The following MCF2L variants were observed in gnomAD, a reference collection of about 807,000 sequenced individuals.
The protein encoded by MCF2L is MCF.2 cell line derived transforming sequence like.
MCF2L carries 97 observed loss-of-function variants against 153.4 expected under a neutral mutation model. The observed-to-expected ratio is 0.63, with a 90% CI of 0.54 to 0.75. The LOEUF is 0.75. MCF2L is among the 30% of genes least tolerant of loss of function. The pLI is 0.00. For missense variants in MCF2L, 1,347 were observed against 1,495.2 expected (o/e 0.90, Z 1.64); for synonymous variants, 659 against 632.2 (o/e 1.04, Z -0.64).
At position 113,054,599 on chromosome 13, in the gene MCF2L, G is replaced by T. The variant is rs567510408; in HGVS notation, c.370-5994G>T. 1.3e-5 allele frequency: 2 copies of T among 152,426 alleles called. No homozygotes were observed. Among genetic ancestry groups the T allele is most frequent in the Admixed American group, 1.3e-4 (2 of 15,302 alleles). The allele number at this position is 152,426 out of a possible 1,614,324, so 9.4% of individuals were successfully genotyped here. ...CTACTGTCAGACAAATGTAGTTGGT[G>T]AGGTTTCAGTTGCTCTGAAATTAAA... On this transcript the variant is annotated intron_variant, in intron 4 of 29. Coordinates refer to ENST00000535094, the MANE Select transcript of MCF2L (RefSeq NM_001112732.3). This position sits in a 1 kb window ranked among gnomAD's most constrained non-coding sequence, Gnocchi z 5.2.
chr13:113,009,582 A>C (rs34338166), intron 1 of MCF2L: 82,640 of 137,090 alleles, frequency 0.6, 22,541 homozygotes, highest in South Asian at 0.71. Context: ...TGTCCTGTTT[A>C]TCCCCTGACC....
chr13:112,938,524 G>A (rs2081545292), intron 2 of MCF2L, among the ~76,000 whole-genome samples: 2 of 152,194 alleles, frequency 1.3e-5, no homozygotes, highest in African/African-American at 4.8e-5. Flanking sequence ...TGAAATGAAG[G>A]AATTGCAGGA....
intron 1 of MCF2L, among the ~76,000 whole-genome samples, chr13:113,005,491 T>C (rs1001213158): frequency 2.0e-5 from 3 of 150,832 alleles, no homozygotes; most frequent in African/African-American, 7.3e-5. Context: ...GCGTGTTTGT[T>C]GTGGCCATGG....
rs978775947 is a variant in MCF2L at position 113,074,939 on chromosome 13, G to T, written c.1117-59G>T. On this transcript the variant is annotated intron_variant, in intron 10 of 29. Transcript: ENST00000535094. The surrounding 1 kb of genome is among the most constrained non-coding windows in gnomAD (Gnocchi z 4.2). ...CGGGACACACATCCCGTACAGCAAG[G>T]CACTGTGTGCCTCGAACAGAAAGAG... 3.8e-5 allele frequency: 55 copies of T among 1,462,898 alleles called. No individual in the cohort carries two copies. The highest frequency in any genetic ancestry group is 4.9e-5 in the Non-Finnish European group (53 of 1,072,338). The allele number at this position is 1,462,898 out of a possible 1,614,324, so 90.6% of individuals were successfully genotyped here. A position where few individuals can be genotyped will look rare whatever the true frequency, so the allele number is the denominator to read the frequency against.
chr13:113,056,743 G>A (rs1446301626), intron 4 of MCF2L, among the ~76,000 whole-genome samples: 4 of 135,320 alleles, frequency 3.0e-5, no homozygotes, highest in Admixed American at 1.4e-4. Flanking sequence ...TGAGTGTTTC[G>A]GCGCTGAGTG....
rs1472574795 is a variant in MCF2L at position 113,046,736 on chromosome 13, G to A, written c.369+1375G>A. On this transcript the variant is annotated intron_variant, in intron 4 of 29. Transcript: ENST00000535094. The surrounding 1 kb of genome is among the most constrained non-coding windows in gnomAD (Gnocchi z 4.4). ...CCCCCACGGCACCTCTCTGCCCCTC[G>A]CCGCGGCGGATCCCCGTTCCTGACC... 4 of 481,524 alleles carry A rather than the reference G, an allele frequency of 8.3e-6. No homozygotes were observed. The highest frequency in any genetic ancestry group is 3.1e-5 in the South Asian group (2 of 64,826). The allele number at this position is 481,524 out of a possible 1,614,324, so 29.8% of individuals were successfully genotyped here.
intron 3 of MCF2L, among the ~76,000 whole-genome samples, chr13:113,039,068 C>G (rs1202664884): frequency 6.6e-6 from 1 of 152,122 alleles, no homozygotes; most frequent in African/African-American, 2.4e-5. Context: ...ACCGTGTTAG[C>G]CTGGATGGTC....
rs200621305 is a variant in MCF2L at position 113,074,607 on chromosome 13, C to T, written c.1116+44C>T. On this transcript the variant is annotated intron_variant, in intron 10 of 29. Coordinates refer to ENST00000535094, the MANE Select transcript of MCF2L (RefSeq NM_001112732.3). The surrounding 1 kb of genome is among the most constrained non-coding windows in gnomAD (Gnocchi z 4.2). ...GGGGGCGGCGGGAGAGTGTGGGCAG[C>T]ATCATCAAGTGCTGCTCAGGAAGGC... 45 of 1,606,002 alleles carry T rather than the reference C, an allele frequency of 2.8e-5. No homozygotes were observed. The Admixed American group carries it at 5.5e-4, about 20-fold the overall frequency.
At chr13:112,968,319 C>T, upstream of MCF2L, 1 of 1,056,018 alleles carries the variant, frequency 9.5e-7, no homozygotes, top group Non-Finnish European at 1.3e-6. Context: ...AGGATAGCTG[C>T]GGTTTTGGGC....
intron 2 of MCF2L, among the ~76,000 whole-genome samples, chr13:112,944,800 G>A (rs911007772): frequency 1.6e-4 from 24 of 152,084 alleles, no homozygotes; most frequent in African/African-American, 5.8e-4. Context: ...CTGAACTTCT[G>A]AAAGAGCCAG....
At chr13:112,942,774 A>T (rs1032747504) in intron 2 of MCF2L, among the ~76,000 whole-genome samples, 4 of 152,164 alleles carry the variant, frequency 2.6e-5, no homozygotes, top group Non-Finnish European at 5.9e-5. Flanking sequence ...GCAGGCAGGG[A>T]CATCTCTTGA....
At chr13:113,050,632 G>T (rs2087182964) in intron 4 of MCF2L, among the ~76,000 whole-genome samples, 1 of 133,270 alleles carries the variant, frequency 7.5e-6, no homozygotes, top group Non-Finnish European at 1.6e-5. Context: ...TCACCGTGGG[G>T]GCGGTGGGGG....
At chr13:113,050,120 C>T (rs762548672) in intron 4 of MCF2L, among the ~76,000 whole-genome samples, 1 of 152,170 alleles carries the variant, frequency 6.6e-6, no homozygotes, top group Non-Finnish European at 1.5e-5. Context: ...GCTGTTGCAA[C>T]ATCTAACCCT....
intron 2 of MCF2L, chr13:112,909,555 G>A: frequency 2.1e-6 from 1 of 466,190 alleles, no homozygotes; most frequent in Non-Finnish European, 3.9e-6. Context: ...GTGCTCAGTG[G>A]CATTTGGAGG....
chr13:113,005,907 G>T (rs1211038486), intron 1 of MCF2L, among the ~76,000 whole-genome samples: 2 of 152,130 alleles, frequency 1.3e-5, no homozygotes, highest in African/African-American at 4.8e-5. Context: ...GTAAGCTCAG[G>T]AAGTGATGAG....
chr13:113,064,861 C>T lies in MCF2L; in HGVS notation c.607-75C>T, dbSNP rs74115774. ...GGGTCTGTGTGGGAACGGTTTCCGC[C>T]GGTGTCTGCTTTCAGGGCAGCAGGA... On this transcript the variant is annotated intron_variant, in intron 6 of 29. Coordinates refer to ENST00000535094, the MANE Select transcript of MCF2L (RefSeq NM_001112732.3). The surrounding 1 kb of genome is among the most constrained non-coding windows in gnomAD (Gnocchi z 6.0). The T allele has an allele frequency of 5.2e-4, 802 of 1,527,762 alleles. 2 individuals carry two copies. In the African/African-American group the frequency reaches 8.1e-3, roughly 15 times the overall value. 94.6% of individuals were successfully genotyped at this position (1,527,762 alleles called of 1,614,324 possible). A position where few individuals can be genotyped will look rare whatever the true frequency, so the allele number is the denominator to read the frequency against.
At position 113,045,175 on chromosome 13, in the gene MCF2L, G is replaced by A. The variant is rs1045302936; in HGVS notation, c.279-96G>A. 1.7e-5 allele frequency: 19 copies of A among 1,099,050 alleles called. No homozygotes were observed. Among genetic ancestry groups the A allele is most frequent in the Non-Finnish European group, 2.4e-5 (17 of 713,782 alleles). The allele number at this position is 1,099,050 out of a possible 1,614,324, so 68.1% of individuals were successfully genotyped here. A position where few individuals can be genotyped will look rare whatever the true frequency, so the allele number is the denominator to read the frequency against. On this transcript the variant is annotated intron_variant, in intron 3 of 29. Coordinates refer to ENST00000535094, the MANE Select transcript of MCF2L (RefSeq NM_001112732.3). This position sits in a 1 kb window ranked among gnomAD's most constrained non-coding sequence, Gnocchi z 4.2. ...ATTGCAGAAATGGCATCATGAATAT[G>A]GGGGATCGCTCTCCCAAGAGGTTTT...
At chr13:113,037,116 A>G (rs549656326) in intron 3 of MCF2L, among the ~76,000 whole-genome samples, 4 of 152,274 alleles carry the variant, frequency 2.6e-5, no homozygotes, top group Non-Finnish European at 4.4e-5. Context: ...TCCTAGAAGA[A>G]TTCCTCTCGA....
chr13:112,982,083 G>C lies in MCF2L; in HGVS notation c.79+12625G>C, dbSNP rs780843207. Among the ~76,000 whole-genome samples, 5 of 152,256 alleles carry C rather than the reference G, an allele frequency of 3.3e-5. No homozygotes were observed. In the South Asian group the frequency reaches 1.0e-3, roughly 32 times the overall value. Reference sequence around the variant, plus strand: ...CAGTGGAGGCCTTGTCTGAGGGGTCGGGCAGTGGGGGCCCCAGCAGAGAGC... The same window carrying C: ...CAGTGGAGGCCTTGTCTGAGGGGTCCGGCAGTGGGGGCCCCAGCAGAGAGC... On this transcript the variant is annotated intron_variant, in intron 1 of 29. Coordinates refer to ENST00000535094, the MANE Select transcript of MCF2L (RefSeq NM_001112732.3).
Sources: allele counts gnomAD v4.1 joint callset (sites outside exome capture counted in the v4.1 genomes callset), GRCh38; gene constraint gnomAD v4.1.1; non-coding constraint Gnocchi (gnomAD v3.1); transcripts MANE v1.5; gene names NCBI Gene and HGNC (gene_info 2026-07-23, HGNC 2026-07-21).